The following TONSL variants were observed in gnomAD, a reference collection of about 807,000 sequenced individuals.
TONSL encodes the protein tonsoku-like protein.
In TONSL, 112 loss-of-function variants were observed where a neutral mutation model predicts 147.1. The observed-to-expected ratio is 0.76, with a 90% CI of 0.65 to 0.89. The LOEUF (loss-of-function observed/expected upper bound fraction) is 0.89, where lower values mean the gene tolerates loss of function less well. Ranked by LOEUF, TONSL falls within the 40% of genes least tolerant of loss-of-function variation. TONSL has a pLI of 0.00. For synonymous variants in TONSL, 868 were observed against 801.5 expected (o/e 1.08, Z -1.40); for missense variants, 1,883 against 1,864.6 (o/e 1.01, Z -0.18).
Position 144,429,113 on chromosome 8 carries a change from C to T in TONSL, c.*30G>A, listed in dbSNP as rs1554877877. On this transcript the variant is annotated 3_prime_UTR_variant, in exon 26 of 26. Coordinates refer to ENST00000409379, the MANE Select transcript of TONSL (RefSeq NM_013432.5). ...CAGCAGCTTCATTTATTAGGGGCTT[C>T]GGTGAGGGTGGGGAAAGGCAGCGCC... 1.3e-6 allele frequency: 2 copies of T among 1,496,698 alleles called. No individual in the cohort carries two copies. The highest frequency in any genetic ancestry group is 2.3e-5 in the Admixed American group (1 of 44,256). 92.7% of individuals were successfully genotyped at this position (1,496,698 alleles called of 1,614,324 possible). A position where few individuals can be genotyped will look rare whatever the true frequency, so the allele number is the denominator to read the frequency against.
Position 144,444,311 on chromosome 8 carries a change from G to C in TONSL, c.26-36C>G, listed in dbSNP as rs573000392. 398 of 1,348,944 alleles carry C rather than the reference G, an allele frequency of 3.0e-4. 7 individuals are homozygous for C. In the South Asian group the frequency reaches 6.5e-3, roughly 22 times the overall value. The allele number at this position is 1,348,944 out of a possible 1,614,324, so 83.6% of individuals were successfully genotyped here. On this transcript the variant is annotated intron_variant, in intron 1 of 25. Coordinates refer to ENST00000409379, the MANE Select transcript of TONSL (RefSeq NM_013432.5). ...AAGAGGAGGGCTGGGCCTCCGCGGC[G>C]GGGTCCGGGGCCGGGGCCGAGTCCC...
intron 22 of TONSL, 25 bp from the exon 23 acceptor site, chr8:144,432,485 G>A (rs782728895): frequency 6.6e-7 from 1 of 1,517,440 alleles, no homozygotes; most frequent in South Asian, 1.3e-5. Flanking sequence ...GAATCCGTCA[G>A]CCCCACGTGG....
rs1823752949 is a variant in TONSL, at chr8:144,442,370, G to A, written c.621C>T (p.Asn207=). The A allele has an allele frequency of 1.3e-6, 2 of 1,580,008 alleles. No individual in the cohort carries two copies. Among genetic ancestry groups the A allele is most frequent in the Admixed American group, 3.5e-5 (2 of 56,904 alleles). ...CCGCGCGCCAGTGGATGGTGCCCAG[G>A]TTGTAGCGGGCGCGGAATAGGTCCT... ...LYEDLFRARY[N]LGTIHWRAGQ... is the part of the protein sequence containing the mutation. Residue 207 remains asparagine, a synonymous_variant, in exon 6 of 26, where the codon AAC becomes AAT. Transcript: ENST00000409379.
chr8:144,432,538 C>T, intron 22 of TONSL, 78 bp from the exon 23 acceptor site: 1 of 1,402,640 alleles, frequency 7.1e-7, no homozygotes, highest in South Asian at 1.5e-5. Flanking sequence ...CCAGAACCCT[C>T]AGGACCCCTT....
Position 144,429,449 on chromosome 8 carries a change from C to A in TONSL, c.3944-113G>T. The A allele has an allele frequency of 2.9e-6, 3 of 1,021,756 alleles. No homozygotes were observed. The South Asian group carries it at 7.3e-5, about 25-fold the overall frequency. The allele number at this position is 1,021,756 out of a possible 1,614,324, so 63.3% of individuals were successfully genotyped here. A position where few individuals can be genotyped will look rare whatever the true frequency, so the allele number is the denominator to read the frequency against. ...TTCGCTGAGGGCCCCAGGGCTGTAG[C>A]GAGGGGCAGTGGGCAGAGCTCCGGA... is the stretch of plus-strand genomic sequence containing the variant. On this transcript the variant is annotated intron_variant, in intron 25 of 25. Transcript: ENST00000409379.
intron 7 of TONSL, 58 bp downstream of exon 7, chr8:144,441,978 GC>G: frequency 2.0e-6 from 3 of 1,499,800 alleles, no homozygotes; most frequent in Non-Finnish European, 2.8e-6. Context: ...ACTCCACCCC[GC>G]CCCCAGGCTC....
At chr8:144,434,368 C>T (rs572649111) in intron 20 of TONSL, 89 bp from the exon 21 acceptor site, 4 of 1,176,668 alleles carry the variant, frequency 3.4e-6, no homozygotes, top group South Asian at 1.7e-5. Flanking sequence ...CCCTTTTCAA[C>T]AGCCCCAGGG....
chr8:144,441,217 C>T (rs1002818663), intron 7 of TONSL, 106 bp from the exon 8 acceptor site: 1 of 1,446,498 alleles, frequency 6.9e-7, no homozygotes, highest in Non-Finnish European at 9.3e-7. Context: ...TCTCTCCACA[C>T]CTCTGCCTGC....
Position 144,429,232 on chromosome 8 carries a change from C to A in TONSL, c.4048G>T (p.Asp1350Tyr). The change falls in exon 26 of 26, where the codon GAC (aspartate) becomes TAC (tyrosine). Residue 1350 changes from aspartate to tyrosine, a missense_variant. Transcript: ENST00000409379. ...CSRRLCAEDR[D>Y]ALRQLQPSRP... Reference sequence around the variant, plus strand: ...CTGGGCTGCAGCTGGCGCAGGGCGTCCCTGTCCTCAGCGCAGAGGCGTCTG... The same window carrying A: ...CTGGGCTGCAGCTGGCGCAGGGCGTACCTGTCCTCAGCGCAGAGGCGTCTG... 3.3e-6 allele frequency: 5 copies of A among 1,535,516 alleles called. No homozygotes were observed. The highest frequency in any genetic ancestry group is 4.4e-6 in the Non-Finnish European group (5 of 1,144,356).
At chr8:144,441,258 A>C (rs545093357) in intron 7 of TONSL, 147 bp from the exon 8 acceptor site, 3 of 1,187,484 alleles carry the variant, frequency 2.5e-6, no homozygotes, top group Non-Finnish European at 3.5e-6. Flanking sequence ...AGCAGGGTCT[A>C]TCTTGGGGAC....
In TONSL at chr8:144,435,526, G is replaced by C. The variant is rs755575416; in HGVS notation, c.2800C>G (p.Arg934Gly). Residue 934 changes from arginine (R) to glycine (G), a missense_variant, in exon 18 of 26, where the codon CGG (arginine) becomes GGG (glycine). Transcript: ENST00000409379. ...TGATCCTGAACTTGAACTCGAACCC[G>C]GATGGGAGGGGGCGGGGCCGGACCC... ...PLGPAPPPPI[R>G]VRVQVQDHLF... 6.4e-7 allele frequency: 1 copy of C among 1,551,146 alleles called. No individual in the cohort carries two copies. Among genetic ancestry groups the C allele is most frequent in the Non-Finnish European group, 8.7e-7 (1 of 1,147,014 alleles).
intron 16 of TONSL, 68 bp downstream of exon 16, chr8:144,436,490 C>A (rs1180794053): frequency 1.3e-6 from 2 of 1,570,128 alleles, no homozygotes; most frequent in Admixed American, 3.5e-5. Flanking sequence ...GAGCATCTCC[C>A]GAAATCAGGG....
chr8:144,440,678 A>G, intron 9 of TONSL, 40 bp downstream of exon 9: 1 of 1,594,900 alleles, frequency 6.3e-7, no homozygotes, highest in Non-Finnish European at 8.6e-7. Context: ...AGGCAGAGAC[A>G]TGGGTGAACC....
Position 144,430,395 on chromosome 8 carries a change from AG to A in TONSL, c.3943+8del. The A allele has an allele frequency of 6.3e-7, 1 of 1,597,756 alleles. No homozygotes were observed. The highest frequency in any genetic ancestry group is 1.3e-5 in the African/African-American group (1 of 74,478). The stretch of plus-strand genomic sequence containing the variant: ...ACATGGCAGGCGTGGCCACCATACC[AG>A]CACTCACCTGACAGGCCAAGGAAGC... On this transcript the variant is annotated splice_region_variant and intron_variant, in intron 25 of 25. Coordinates refer to ENST00000409379, the MANE Select transcript of TONSL (RefSeq NM_013432.5).
At position 144,435,686 on chromosome 8, in the gene TONSL, C is replaced by T. The variant is rs1823419132; in HGVS notation, c.2747G>A (p.Gly916Glu). 6.2e-7 allele frequency: 1 copy of T among 1,609,762 alleles called. No individual in the cohort carries two copies. The highest frequency in any genetic ancestry group is 1.3e-5 in the African/African-American group (1 of 74,870). The change falls in exon 17 of 26, where the codon GGG (glycine) becomes GAG (glutamate). Residue 916 changes from glycine (G) to glutamate (E), a missense_variant. Physicochemically the swap from Gly to Glu is moderately conservative, Grantham distance 98 (BLOSUM62 -2). Transcript: ENST00000409379. The stretch of plus-strand genomic sequence containing the variant: ...GGGCTGGCCTGCCGCAGAGCTGTCC[C>T]CACTGGGCTCTGAGACCCTGGGGGT... ...PSTPRVSEPS[G>E]DSSAAGQPLG...
At chr8:144,441,140 C>A in intron 7 of TONSL, 29 bp from the exon 8 acceptor site, 2 of 1,609,582 alleles carry the variant, frequency 1.2e-6, no homozygotes, top group South Asian at 2.2e-5. Context: ...TGCAGGGGGG[C>A]AGCACAGGGG....
At chr8:144,443,751 A>G in intron 3 of TONSL, 131 bp downstream of exon 3, 1 of 1,309,036 alleles carries the variant, frequency 7.6e-7, no homozygotes, top group Non-Finnish European at 1.0e-6. Flanking sequence ...CGGGGCGGTG[A>G]AGGCAAGGCT....
At position 144,442,718 on chromosome 8, in the gene TONSL, G is replaced by A. The variant is rs1823766758; in HGVS notation, c.537C>T (p.Ala179=). 6.2e-7 allele frequency: 1 copy of A among 1,613,040 alleles called. No homozygotes were observed. The highest frequency in any genetic ancestry group is 8.5e-7 in the Non-Finnish European group (1 of 1,179,958). The change falls in exon 5 of 26, where the codon GCC becomes GCT. Residue 179 remains alanine, a synonymous_variant. Coordinates refer to ENST00000409379, the MANE Select transcript of TONSL (RefSeq NM_013432.5). ...GLTFESLQQT[A]LCNDYFRKSI... Reference sequence around the variant, plus strand: ...TCTTCCTGAAGTAATCGTTGCACAGGGCTGTCTGCTGCAGGCTCTCAAAGG... The same window carrying A: ...TCTTCCTGAAGTAATCGTTGCACAGAGCTGTCTGCTGCAGGCTCTCAAAGG...
intron 14 of TONSL, 33 bp downstream of exon 14, chr8:144,436,994 A>C (rs2242270): frequency 0.43 from 697,956 of 1,612,076 alleles, 153,279 homozygotes; most frequent in South Asian, 0.55. Context: ...GTGTCCACCA[A>C]GGTGCGCCAG....
Sources: allele counts gnomAD v4.1 joint callset, GRCh38; gene constraint gnomAD v4.1.1; transcripts MANE v1.5; gene names NCBI Gene and HGNC (gene_info 2026-07-23, HGNC 2026-07-21).